KCND3: variants seen among roughly 807,000 people sequenced by gnomAD.
KCND3 encodes potassium voltage-gated channel subfamily D member 3.
KCND3 carries 9 observed loss-of-function variants against 51.1 expected under a neutral mutation model. That is an observed-to-expected ratio of 0.18 (90% CI 0.11 to 0.31). KCND3 has a LOEUF of 0.31. KCND3 is among the 10% of genes least tolerant of loss of function. The pLI, the probability that KCND3 is intolerant of heterozygous loss-of-function variation, is 1.00. For missense variants in KCND3, 526 were observed against 903.8 expected (o/e 0.58, Z 5.36); for synonymous variants, 349 against 368.0 (o/e 0.95, Z 0.59).
chr1:111,776,194 G>T lies in KCND3; in HGVS notation c.1851C>A (p.Ile617=). 6.2e-7 allele frequency: 1 copy of T among 1,614,248 alleles called. No individual in the cohort carries two copies. The highest frequency in any genetic ancestry group is 8.5e-7 in the Non-Finnish European group (1 of 1,180,054). Reference sequence around the variant, plus strand: ...CTGGGGTTAGCGCTGGGGGAGTGGGGATGCTGATGATGGCTGTGGTGATCT... The same window carrying T: ...CTGGGGTTAGCGCTGGGGGAGTGGGTATGCTGATGATGGCTGTGGTGATCT... ...TSQITTAIIS[I]PTPPALTPEG... is the part of the protein sequence containing the mutation. The change falls in exon 8 of 8, where the codon ATC becomes ATA. Residue 617 remains isoleucine, a synonymous_variant. Coordinates refer to ENST00000302127, the MANE Select transcript of KCND3 (RefSeq NM_001378969.1).
intron 3 of KCND3, among the ~76,000 whole-genome samples, chr1:111,781,559 A>T (rs1304806670): frequency 6.6e-6 from 1 of 152,086 alleles, no homozygotes; most frequent in African/African-American, 2.4e-5. Context: ...TCTCGCTGTC[A>T]CCCAGGCTGG....
At position 111,780,085 on chromosome 1, in the gene KCND3, G is replaced by A. The variant is rs1318561076; in HGVS notation, c.1461+140C>T. The stretch of plus-strand genomic sequence containing the variant: ...CACTCCTCAGGGTCTTCCACCTGAG[G>A]GCCAGTAGATCCCATCACTACCTTT... On this transcript the variant is annotated intron_variant, in intron 5 of 7. Transcript: ENST00000302127. The surrounding 1 kb of genome is among the most constrained non-coding windows in gnomAD (Gnocchi z 4.2). 1.1e-6 allele frequency: 1 copy of A among 944,438 alleles called. No individual in the cohort carries two copies. Among genetic ancestry groups the A allele is most frequent in the Non-Finnish European group, 1.7e-6 (1 of 599,556 alleles). The allele number at this position is 944,438 out of a possible 1,614,324, so 58.5% of individuals were successfully genotyped here. A position where few individuals can be genotyped will look rare whatever the true frequency, so the allele number is the denominator to read the frequency against.
intron 2 of KCND3, among the ~76,000 whole-genome samples, chr1:111,835,340 T>C (rs1440811399): frequency 1.3e-5 from 2 of 152,210 alleles, no homozygotes; most frequent in Non-Finnish European, 2.9e-5. Flanking sequence ...TTTATGTAAA[T>C]CCAGATCCAT....
chr1:111,930,604 C>A (rs1283467718), intron 2 of KCND3, among the ~76,000 whole-genome samples: 1 of 96,938 alleles, frequency 1.0e-5, no homozygotes, highest in African/African-American at 3.1e-5. Flanking sequence ...CTAGGTGCCA[C>A]CCCCAACCCC....
At chr1:111,923,503 C>G (rs1028424038) in intron 2 of KCND3, among the ~76,000 whole-genome samples, 32 of 152,316 alleles carry the variant, frequency 2.1e-4, no homozygotes, top group Admixed American at 1.9e-3. Flanking sequence ...GGCTCAGGAC[C>G]CTGACAGGTA....
chr1:111,789,074 G>C (rs1289462002), intron 2 of KCND3, among the ~76,000 whole-genome samples: 1 of 152,218 alleles, frequency 6.6e-6, no homozygotes, highest in Non-Finnish European at 1.5e-5. Flanking sequence ...CAACTGAAAG[G>C]GGGCCTGTGG....
At chr1:111,802,228 TG>T (rs1478474834) in intron 2 of KCND3, among the ~76,000 whole-genome samples, 3 of 152,224 alleles carry the variant, frequency 2.0e-5, no homozygotes, top group African/African-American at 7.2e-5. Context: ...CTTGCACCTG[TG>T]AGTGCCACTT....
chr1:111,883,977 C>T (rs1385848687), intron 2 of KCND3, among the ~76,000 whole-genome samples: 3 of 152,198 alleles, frequency 2.0e-5, no homozygotes, highest in East Asian at 1.9e-4. Flanking sequence ...TCACCATCTC[C>T]GTGGGATTCC....
In KCND3 at chr1:111,774,268, AT is replaced by A. The variant is rs1664022371; in HGVS notation, c.*1808del. The A allele has an allele frequency of 6.6e-6, 1 of 152,196 alleles. No homozygotes were observed. Among genetic ancestry groups the A allele is most frequent in the South Asian group, 2.1e-4 (1 of 4,826 alleles). The allele number at this position is 152,196 out of a possible 1,614,324, so 9.4% of individuals were successfully genotyped here. On this transcript the variant is annotated 3_prime_UTR_variant, in exon 8 of 8. Coordinates refer to ENST00000302127, the MANE Select transcript of KCND3 (RefSeq NM_001378969.1). ...TTAGATGGCTGTGGTGGGGAGAGAA[AT>A]TCTTGGCCTACAATTAAACAGCTAA...
At chr1:111,979,119 T>A (rs774564374) in intron 2 of KCND3, among the ~76,000 whole-genome samples, 2 of 152,212 alleles carry the variant, frequency 1.3e-5, no homozygotes, top group African/African-American at 4.8e-5. Context: ...TTGTTCATTG[T>A]CAGATGTGGG....
At chr1:111,822,956 T>C (rs1666416381) in intron 2 of KCND3, among the ~76,000 whole-genome samples, 1 of 152,208 alleles carries the variant, frequency 6.6e-6, no homozygotes. Context: ...CATTTCCATA[T>C]GATGGGAAAT....
chr1:111,779,675 C>T (rs1297097550), intron 5 of KCND3, among the ~76,000 whole-genome samples: 2 of 150,302 alleles, frequency 1.3e-5, no homozygotes, highest in African/African-American at 4.9e-5. Context: ...ATCTGGACTC[C>T]CTGAGAACCA....
intron 2 of KCND3, among the ~76,000 whole-genome samples, chr1:111,828,424 T>C (rs779067092): frequency 1.3e-5 from 2 of 152,216 alleles, no homozygotes; most frequent in African/African-American, 2.4e-5. Flanking sequence ...TTTATACTAT[T>C]CAACTGCATC....
rs571139805 is a variant in KCND3, at chr1:111,840,093, A to G, written c.1107-52987T>C. On this transcript the variant is annotated intron_variant, in intron 2 of 7. Coordinates refer to ENST00000302127, the MANE Select transcript of KCND3 (RefSeq NM_001378969.1). ...ATGGCCGTCCTTGCTGCATCCTCAC[A>G]TGGTGGAAGGTGGTGAACAAGCTCC... Among the ~76,000 whole-genome samples the G allele has an allele frequency of 2.0e-5, 3 of 152,284 alleles. No individual in the cohort carries two copies. In the East Asian group the frequency reaches 5.8e-4, roughly 29 times the overall value.
chr1:111,952,169 C>T (rs771685088), intron 2 of KCND3, among the ~76,000 whole-genome samples: 2 of 152,146 alleles, frequency 1.3e-5, no homozygotes, highest in Non-Finnish European at 2.9e-5. Context: ...CTTAGGGGGT[C>T]GGGAGTCACA....
chr1:111,941,112 A>G (rs3008536), intron 2 of KCND3, among the ~76,000 whole-genome samples: 4,693 of 152,208 alleles, frequency 0.031, 232 homozygotes, highest in African/African-American at 0.11. Flanking sequence ...CTTACCTCAG[A>G]TGAGTGGCAG....
chr1:111,776,913 T>C (rs933122273), intron 7 of KCND3, 113 bp downstream of exon 7: 2 of 1,553,512 alleles, frequency 1.3e-6, no homozygotes, highest in African/African-American at 1.4e-5. Context: ...GCTCATGCAT[T>C]AGATAAGGGG....
At chr1:111,900,821 G>C (rs913012711) in intron 2 of KCND3, among the ~76,000 whole-genome samples, 1 of 152,158 alleles carries the variant, frequency 6.6e-6, no homozygotes, top group Admixed American at 6.5e-5. Flanking sequence ...GCCGGGTGTG[G>C]TGGCATGCGC....
At chr1:111,788,422 T>G (rs542255948) in intron 2 of KCND3, among the ~76,000 whole-genome samples, 1 of 152,258 alleles carries the variant, frequency 6.6e-6, no homozygotes, top group South Asian at 2.1e-4. Flanking sequence ...TGGAAGGGGA[T>G]GGGGCAAGCT....
Sources: allele counts gnomAD v4.1 joint callset (sites outside exome capture counted in the v4.1 genomes callset), GRCh38; gene constraint gnomAD v4.1.1; non-coding constraint Gnocchi (gnomAD v3.1); transcripts MANE v1.5; gene names NCBI Gene and HGNC (gene_info 2026-07-23, HGNC 2026-07-21).